M1AP: variants seen among roughly 807,000 people sequenced by gnomAD.
The protein encoded by M1AP is meiosis 1 associated protein.
Under a neutral mutation model 51.2 loss-of-function variants are expected in M1AP, and 39 were observed. That is an observed-to-expected ratio of 0.76 (90% CI 0.59 to 1.00). The LOEUF is 1.00. M1AP is among the 50% of genes least tolerant of loss of function. The pLI, the probability that M1AP is intolerant of heterozygous loss-of-function variation, is 0.00. For missense variants in M1AP, 545 were observed against 641.2 expected (o/e 0.85, Z 1.62); for synonymous variants, 251 against 249.2 (o/e 1.01, Z -0.07).
At position 74,612,920 on chromosome 2, in the gene M1AP, G is replaced by A. The variant is rs189723334; in HGVS notation, c.426+2044C>T. On this transcript the variant is annotated intron_variant, in intron 3 of 10. Coordinates refer to ENST00000421985, the MANE Select transcript of M1AP (RefSeq NM_001321739.2). ...CTGGTATTCCCGTTACATGTAAGTC[G>A]TACCTTTTATAGTTGTCCCACAGTT... Among the ~76,000 whole-genome samples, 17 of 151,570 alleles carry A rather than the reference G, an allele frequency of 1.1e-4. No individual in the cohort carries two copies. The South Asian group carries it at 3.3e-3, about 30-fold the overall frequency.
chr2:74,586,847 A>G (rs1333315025), intron 4 of M1AP, among the ~76,000 whole-genome samples: 1 of 151,922 alleles, frequency 6.6e-6, no homozygotes, highest in Admixed American at 6.6e-5. Context: ...CTAAAAATAC[A>G]AAAAATTAGC....
chr2:74,578,892 C>T (rs1679242988), intron 5 of M1AP, among the ~76,000 whole-genome samples: 1 of 152,116 alleles, frequency 6.6e-6, no homozygotes, highest in Non-Finnish European at 1.5e-5. Context: ...CTCCAGAAAT[C>T]TACATGTGTG....
chr2:74,607,315 T>C, intron 3 of M1AP, 92 bp from the exon 4 acceptor site: 1 of 1,317,584 alleles, frequency 7.6e-7, no homozygotes, highest in Non-Finnish European at 1.1e-6. Context: ...AAATACAGCA[T>C]AAGTCTGTGG....
intron 2 of M1AP, chr2:74,628,538 T>C (rs1456033984): frequency 3.9e-6 from 2 of 509,820 alleles, no homozygotes; most frequent in Non-Finnish European, 7.6e-6. Flanking sequence ...CCCAAAGCAC[T>C]GCACAGACTG....
chr2:74,620,332 G>A (rs1465357618), intron 2 of M1AP, among the ~76,000 whole-genome samples: 1 of 152,206 alleles, frequency 6.6e-6, no homozygotes, highest in Middle Eastern at 3.2e-3. Context: ...GGGAATAAAA[G>A]GTGTTTAGAA....
intron 9 of M1AP, 146 bp downstream of exon 9, chr2:74,560,005 C>T (rs1296143936): frequency 4.8e-6 from 4 of 825,910 alleles, no homozygotes; most frequent in South Asian, 1.8e-5. Context: ...TTCTAATTTT[C>T]CCCTCCACCA....
intron 2 of M1AP, among the ~76,000 whole-genome samples, chr2:74,633,708 T>C (rs1372793765): frequency 6.6e-6 from 1 of 152,144 alleles, no homozygotes; most frequent in Non-Finnish European, 1.5e-5. Flanking sequence ...ACATACCTAT[T>C]GTGTTGGTCC....
At chr2:74,574,627 G>A (rs182961635) in intron 7 of M1AP, among the ~76,000 whole-genome samples, 3 of 152,296 alleles carry the variant, frequency 2.0e-5, no homozygotes, top group Admixed American at 6.5e-5. Context: ...AATAGATAAT[G>A]TTATTTCTCA....
At chr2:74,570,764 G>A (rs954985908) in intron 7 of M1AP, among the ~76,000 whole-genome samples, 9 of 152,220 alleles carry the variant, frequency 5.9e-5, no homozygotes, top group African/African-American at 1.9e-4. Flanking sequence ...GATAAGGTGG[G>A]ACCTTGAATA....
chr2:74,633,832 C>T (rs893693867), intron 2 of M1AP, among the ~76,000 whole-genome samples: 2 of 152,182 alleles, frequency 1.3e-5, no homozygotes, highest in Non-Finnish European at 2.9e-5. Context: ...CTCTTCAGTC[C>T]TAGAGGTGGT....
At chr2:74,589,134 C>T (rs1216297650) in intron 4 of M1AP, among the ~76,000 whole-genome samples, 1 of 152,180 alleles carries the variant, frequency 6.6e-6, no homozygotes. Context: ...AAGAAGCTGA[C>T]AGTTGGGCAG....
chr2:74,611,873 CAA>C (rs1297562999), intron 3 of M1AP, among the ~76,000 whole-genome samples: 1 of 87,810 alleles, frequency 1.1e-5, no homozygotes, highest in Non-Finnish European at 2.3e-5. Flanking sequence ...AAAACAACAA[CAA>C]AAAAGTGTTT....
At chr2:74,598,867 C>T (rs1680509156) in intron 4 of M1AP, among the ~76,000 whole-genome samples, 1 of 152,014 alleles carries the variant, frequency 6.6e-6, no homozygotes, top group African/African-American at 2.4e-5. Flanking sequence ...AGTGATCCTC[C>T]TGCCTTGGCC....
At chr2:74,579,648 T>C (rs1324094382) in intron 5 of M1AP, among the ~76,000 whole-genome samples, 1 of 152,174 alleles carries the variant, frequency 6.6e-6, no homozygotes, top group Admixed American at 6.5e-5. Flanking sequence ...GTCTTACAAT[T>C]GCCATTGGCC....
At chr2:74,591,787 T>C (rs1680052456) in intron 4 of M1AP, among the ~76,000 whole-genome samples, 1 of 152,056 alleles carries the variant, frequency 6.6e-6, no homozygotes, top group Non-Finnish European at 1.5e-5. Flanking sequence ...TCCTAAGACA[T>C]ACTCTTTTAT....
intron 2 of M1AP, among the ~76,000 whole-genome samples, chr2:74,630,436 G>C (rs1682636349): frequency 6.6e-6 from 1 of 152,126 alleles, no homozygotes; most frequent in African/African-American, 2.4e-5. Context: ...CCATCACCTA[G>C]GTATTAAGCC....
chr2:74,602,669 A>G (rs1371792089), intron 4 of M1AP, among the ~76,000 whole-genome samples: 1 of 152,224 alleles, frequency 6.6e-6, no homozygotes, highest in Non-Finnish European at 1.5e-5. Flanking sequence ...GAAGTAAAAC[A>G]CTAAGGGAAT....
At chr2:74,623,997 T>A (rs993711328) in intron 2 of M1AP, among the ~76,000 whole-genome samples, 2 of 152,210 alleles carry the variant, frequency 1.3e-5, no homozygotes, top group Admixed American at 6.5e-5. Flanking sequence ...TTAAAAAAAA[T>A]TAGATAATGG....
At chr2:74,588,227 A>G (rs1234231953) in intron 4 of M1AP, among the ~76,000 whole-genome samples, 1 of 152,160 alleles carries the variant, frequency 6.6e-6, no homozygotes, top group South Asian at 2.1e-4. Flanking sequence ...GAAATTATAT[A>G]CAATTCATCT....
Sources: allele counts gnomAD v4.1 joint callset (sites outside exome capture counted in the v4.1 genomes callset), GRCh38; gene constraint gnomAD v4.1.1; transcripts MANE v1.5; gene names NCBI Gene and HGNC (gene_info 2026-07-23, HGNC 2026-07-21).